Variants in OSBPL6 observed in about 807,000 individuals in gnomAD.
OSBPL6 encodes the protein oxysterol-binding protein-related protein 6.
OSBPL6 carries 49 observed loss-of-function variants against 125.8 expected under a neutral mutation model. The ratio of observed to expected loss-of-function variants is 0.39; its 90% CI spans 0.31 to 0.49. The LOEUF (loss-of-function observed/expected upper bound fraction) is 0.49. Among genes scored for constraint, OSBPL6 ranks in the 20% least tolerant of loss-of-function variants. The pLI is 0.88. For missense variants in OSBPL6, 986 were observed against 1,135.4 expected (o/e 0.87, Z 1.89); for synonymous variants, 394 against 391.8 (o/e 1.01, Z -0.07).
At chr2:178,329,466 G>A (rs1688995612) in intron 5 of OSBPL6, among the ~76,000 whole-genome samples, 1 of 150,194 alleles carries the variant, frequency 6.7e-6, no homozygotes, top group African/African-American at 2.5e-5. Context: ...CCAGGCTGGA[G>A]TGCAATGGCA....
intron 2 of OSBPL6, among the ~76,000 whole-genome samples, chr2:178,298,691 G>A (rs1312808641): frequency 7.0e-6 from 1 of 142,040 alleles, no homozygotes; most frequent in Non-Finnish European, 1.5e-5. Flanking sequence ...CCTATTTTTA[G>A]TTGCTTTTTT....
chr2:178,279,750 G>C (rs1257187225), intron 1 of OSBPL6, among the ~76,000 whole-genome samples: 1 of 152,122 alleles, frequency 6.6e-6, no homozygotes, highest in Non-Finnish European at 1.5e-5. Context: ...TTCTTAACTG[G>C]GGTATTTCTT....
intron 11 of OSBPL6, among the ~76,000 whole-genome samples, chr2:178,348,123 A>G (rs759498950): frequency 1.4e-4 from 21 of 152,228 alleles, no homozygotes; most frequent in Non-Finnish European, 2.8e-4. Context: ...CTCTCACCAA[A>G]TAGGAAGTTT....
At chr2:178,298,872 C>G (rs754702729) in intron 2 of OSBPL6, among the ~76,000 whole-genome samples, 1 of 152,088 alleles carries the variant, frequency 6.6e-6, no homozygotes, top group Non-Finnish European at 1.5e-5. Context: ...GTTGTTTTGA[C>G]AGGAAATTGC....
intron 14 of OSBPL6, 131 bp downstream of exon 14, chr2:178,372,364 C>T (rs1693470755): frequency 1.7e-6 from 1 of 598,586 alleles, no homozygotes; most frequent in Non-Finnish European, 2.9e-6. Flanking sequence ...GTGTCACTGA[C>T]AGTTCAGTGT....
chr2:178,306,374 T>A lies in OSBPL6; in HGVS notation c.102+88T>A, dbSNP rs1351108906. The A allele has an allele frequency of 4.4e-5, 37 of 836,554 alleles. No homozygotes were observed. In the Middle Eastern group the frequency reaches 1.8e-3, roughly 41 times the overall value. 51.8% of individuals were successfully genotyped at this position (836,554 alleles called of 1,614,324 possible). ...ATGGGGTTGCTAATTAATTCTGAAA[T>A]TTTGTTGTAAAGTCTTTTATTCCAA... On this transcript the variant is annotated intron_variant, in intron 3 of 24. Coordinates refer to ENST00000190611, the MANE Select transcript of OSBPL6 (RefSeq NM_032523.4).
intron 1 of OSBPL6, among the ~76,000 whole-genome samples, chr2:178,244,019 A>G (rs576128195): frequency 2.1e-4 from 32 of 152,084 alleles, no homozygotes; most frequent in African/African-American, 7.0e-4. Flanking sequence ...ACCATCTCCC[A>G]TTGTAGTTAA....
chr2:178,195,909 C>T (rs1470696561), intron 1 of OSBPL6, among the ~76,000 whole-genome samples: 1 of 152,092 alleles, frequency 6.6e-6, no homozygotes, highest in Admixed American at 6.5e-5. Context: ...GTAGTCTTCA[C>T]AAGGTAAAAA....
At chr2:178,223,223 A>G (rs2090415752) in intron 1 of OSBPL6, among the ~76,000 whole-genome samples, 1 of 152,206 alleles carries the variant, frequency 6.6e-6, no homozygotes, top group Non-Finnish European at 1.5e-5. Flanking sequence ...AAGTGATTTT[A>G]CATTGTCTTA....
intron 1 of OSBPL6, among the ~76,000 whole-genome samples, chr2:178,277,920 C>T (rs960262882): frequency 1.3e-5 from 2 of 152,196 alleles, no homozygotes; most frequent in African/African-American, 4.8e-5. Context: ...GAACTTCGCT[C>T]CTGTTCTTTA....
At chr2:178,287,911 GA>G (rs1314480726) in intron 2 of OSBPL6, among the ~76,000 whole-genome samples, 1 of 151,628 alleles carries the variant, frequency 6.6e-6, no homozygotes, top group African/African-American at 2.4e-5. Flanking sequence ...GGAAATGGGG[GA>G]AAAATTGTAG....
chr2:178,378,146 T>C (rs6724982), intron 15 of OSBPL6, among the ~76,000 whole-genome samples: 81,782 of 152,020 alleles, frequency 0.54, 22,291 homozygotes, highest in East Asian at 0.69. Context: ...ACCTTTTGTA[T>C]CCCTCTTTCC....
intron 1 of OSBPL6, among the ~76,000 whole-genome samples, chr2:178,278,278 A>G (rs925838472): frequency 9.2e-5 from 14 of 152,336 alleles, no homozygotes; most frequent in African/African-American, 3.1e-4. Context: ...TTGCTTTTGT[A>G]ACTTAAAAAG....
intron 1 of OSBPL6, among the ~76,000 whole-genome samples, chr2:178,261,886 A>G (rs1315855390): frequency 1.3e-5 from 2 of 152,212 alleles, no homozygotes; most frequent in African/African-American, 4.8e-5. Context: ...TGAATATAAG[A>G]CAAGATTGGC....
intron 3 of OSBPL6, among the ~76,000 whole-genome samples, chr2:178,307,620 A>G (rs1388425298): frequency 6.9e-6 from 1 of 145,434 alleles, no homozygotes; most frequent in Non-Finnish European, 1.5e-5. Flanking sequence ...TATATTAAAT[A>G]ACTACTATAT....
At chr2:178,355,166 A>G (rs977115625) in intron 12 of OSBPL6, among the ~76,000 whole-genome samples, 1 of 152,202 alleles carries the variant, frequency 6.6e-6, no homozygotes, top group Non-Finnish European at 1.5e-5. Context: ...CTAACATCAC[A>G]ATTAAAAGAA....
At position 178,286,218 on chromosome 2, in the gene OSBPL6, C is replaced by G. The variant is rs193137136; in HGVS notation, c.-156+1097C>G. 8.3e-4 allele frequency among the ~76,000 whole-genome samples: 127 copies of G among 152,280 alleles called. 1 individual carries two copies. Among genetic ancestry groups the G allele is most frequent in the Non-Finnish European group, 1.4e-3 (95 of 68,012 alleles). Reference sequence around the variant, plus strand: ...ATCAGATAGATCAGATATCTGGTTTCTCTTGGAAGATTAAAAATCTGGTCT... The same window carrying G: ...ATCAGATAGATCAGATATCTGGTTTGTCTTGGAAGATTAAAAATCTGGTCT... On this transcript the variant is annotated intron_variant, in intron 2 of 24. Coordinates refer to ENST00000190611, the MANE Select transcript of OSBPL6 (RefSeq NM_032523.4).
chr2:178,344,450 G>A (rs1397305730), intron 11 of OSBPL6: 1 of 1,262,738 alleles, frequency 7.9e-7, no homozygotes, highest in East Asian at 2.3e-5. Flanking sequence ...TGCCACTGGT[G>A]TGTGATGGCA....
chr2:178,314,505 G>A (rs1250061236), intron 3 of OSBPL6, among the ~76,000 whole-genome samples: 1 of 152,158 alleles, frequency 6.6e-6, no homozygotes, highest in African/African-American at 2.4e-5. Context: ...GCCTTTTTGG[G>A]AATCCACTCA....
Sources: allele counts gnomAD v4.1 joint callset (sites outside exome capture counted in the v4.1 genomes callset), GRCh38; gene constraint gnomAD v4.1.1; transcripts MANE v1.5; gene names NCBI Gene and HGNC (gene_info 2026-07-23, HGNC 2026-07-21).